The following GPC5 variants were observed in gnomAD, a reference collection of about 807,000 sequenced individuals.
GPC5 encodes glypican-5.
A neutral mutation model predicts 53.9 loss-of-function variants in GPC5; 47 were observed. The observed-to-expected ratio is 0.87, with a 90% confidence interval of 0.69 to 1.11. GPC5 has a LOEUF of 1.11. GPC5 is among the 50% of genes most tolerant of loss of function. The probability of loss-of-function intolerance (pLI) is 0.00; values close to 1 mark genes in which losing one functional copy is unlikely to be tolerated. For missense variants in GPC5, 748 were observed against 713.1 expected (o/e 1.05, Z -0.56); for synonymous variants, 286 against 263.3 (o/e 1.09, Z -0.84).
chr13:92,592,844 G>C (rs1211219044), intron 7 of GPC5, among the ~76,000 whole-genome samples: 2 of 151,364 alleles, frequency 1.3e-5, no homozygotes, highest in South Asian at 2.1e-4. Flanking sequence ...TACTAGAGTT[G>C]AGTGAGTGAG....
chr13:92,000,356 T>A (rs955177566), intron 6 of GPC5, among the ~76,000 whole-genome samples: 2 of 152,110 alleles, frequency 1.3e-5, no homozygotes, highest in African/African-American at 2.4e-5. Flanking sequence ...TCAACTATTC[T>A]TCAGAAATAA....
intron 7 of GPC5, among the ~76,000 whole-genome samples, chr13:92,325,222 G>A (rs1394620571): frequency 2.6e-5 from 4 of 151,634 alleles, no homozygotes; most frequent in African/African-American, 9.7e-5. Flanking sequence ...TCAATCTAAT[G>A]GTTTTAATAT....
At chr13:91,843,108 A>G (rs1355941639) in intron 5 of GPC5, among the ~76,000 whole-genome samples, 1 of 152,142 alleles carries the variant, frequency 6.6e-6, no homozygotes, top group East Asian at 1.9e-4. Flanking sequence ...CAATTTTAGA[A>G]TTGTATTCTA....
chr13:92,862,626 C>CGAT (rs1879218130), intron 7 of GPC5, among the ~76,000 whole-genome samples: 1 of 129,656 alleles, frequency 7.7e-6, no homozygotes, highest in Non-Finnish European at 1.7e-5. Flanking sequence ...GATAGATAGA[C>CGAT]AGATAGATAG....
chr13:92,415,100 G>C (rs1876227788), intron 7 of GPC5, among the ~76,000 whole-genome samples: 6 of 152,210 alleles, frequency 3.9e-5, no homozygotes. Context: ...GCTGGAATGT[G>C]GAGCAGCAAG....
At chr13:92,072,929 G>A (rs761687467) in intron 6 of GPC5, among the ~76,000 whole-genome samples, 4 of 152,050 alleles carry the variant, frequency 2.6e-5, no homozygotes, top group Non-Finnish European at 4.4e-5. Context: ...GACATAAACC[G>A]ACAAAAGAAA....
At chr13:92,553,602 A>G (rs938334609) in intron 7 of GPC5, among the ~76,000 whole-genome samples, 3 of 151,984 alleles carry the variant, frequency 2.0e-5, no homozygotes, top group Non-Finnish European at 4.4e-5. Context: ...GTGGATATGC[A>G]GAATATATCG....
chr13:91,806,325 G>A (rs543500694), intron 5 of GPC5, among the ~76,000 whole-genome samples: 5 of 151,892 alleles, frequency 3.3e-5, no homozygotes, highest in African/African-American at 9.7e-5. Context: ...ATGAGCCACC[G>A]CACCTGGCCA....
At chr13:92,743,397 G>A (rs1287399882) in intron 7 of GPC5, among the ~76,000 whole-genome samples, 1 of 152,016 alleles carries the variant, frequency 6.6e-6, no homozygotes, top group Non-Finnish European at 1.5e-5. Context: ...GTCTGTTATT[G>A]GTGTATTAGA....
chr13:91,413,150 G>T (rs1877934311), intron 1 of GPC5, among the ~76,000 whole-genome samples: 1 of 152,118 alleles, frequency 6.6e-6, no homozygotes, highest in African/African-American at 2.4e-5. Context: ...GTGTAGTGTT[G>T]TACACCTGTG....
At chr13:91,476,111 ATTAT>A in intron 2 of GPC5, among the ~76,000 whole-genome samples, 1 of 152,296 alleles carries the variant, frequency 6.6e-6, no homozygotes, top group Non-Finnish European at 1.5e-5. Flanking sequence ...GGACCAGGTA[ATTAT>A]TTGTTGTGAG....
At chr13:92,244,433 T>G (rs1234952613) in intron 7 of GPC5, among the ~76,000 whole-genome samples, 7 of 152,200 alleles carry the variant, frequency 4.6e-5, no homozygotes, top group Non-Finnish European at 1.0e-4. Context: ...TTTAAATATT[T>G]AAATAGCATG....
chr13:91,504,747 C>T (rs557300326), intron 2 of GPC5, among the ~76,000 whole-genome samples: 1 of 151,864 alleles, frequency 6.6e-6, no homozygotes, highest in South Asian at 2.1e-4. Flanking sequence ...TGTTTGAGGC[C>T]AAGAGTTTGA....
intron 7 of GPC5, among the ~76,000 whole-genome samples, chr13:92,629,954 G>A (rs1026917204): frequency 3.3e-5 from 5 of 152,174 alleles, no homozygotes; most frequent in African/African-American, 1.2e-4. Flanking sequence ...ATAAAAGAGT[G>A]CATTTGATAG....
intron 7 of GPC5, among the ~76,000 whole-genome samples, chr13:92,478,422 C>T (rs1421362839): frequency 1.3e-5 from 2 of 152,132 alleles, no homozygotes; most frequent in African/African-American, 4.8e-5. Flanking sequence ...AACTGAATCT[C>T]AGCAAGCTCT....
At chr13:92,756,355 C>G (rs1874872263) in intron 7 of GPC5, among the ~76,000 whole-genome samples, 1 of 151,966 alleles carries the variant, frequency 6.6e-6, no homozygotes, top group Non-Finnish European at 1.5e-5. Flanking sequence ...CTATCTATGA[C>G]AAACCCACAG....
intron 7 of GPC5, among the ~76,000 whole-genome samples, chr13:92,333,214 T>C (rs2043299937): frequency 1.3e-5 from 2 of 152,280 alleles, no homozygotes; most frequent in East Asian, 1.9e-4. Flanking sequence ...CTCCAGGAAC[T>C]CTACCCACTT....
intron 6 of GPC5, among the ~76,000 whole-genome samples, chr13:92,116,189 C>T (rs1255235570): frequency 1.3e-5 from 2 of 152,088 alleles, no homozygotes; most frequent in Admixed American, 1.3e-4. Flanking sequence ...GTCAAGGCTG[C>T]AGTGAGCCAT....
chr13:92,715,806 G>A (rs753899333), intron 7 of GPC5, among the ~76,000 whole-genome samples: 86 of 152,238 alleles, frequency 5.6e-4, no homozygotes, highest in Non-Finnish European at 1.2e-3. Context: ...TTATCCCACG[G>A]TGATGGACAA....
Sources: gnomAD v4.1 joint callset for allele counts (sites outside exome capture counted in the v4.1 genomes callset) on GRCh38, gnomAD v4.1.1 for gene constraint, MANE v1.5 for transcripts, NCBI Gene and HGNC (gene_info 2026-07-23, HGNC 2026-07-21) for gene names.